TMEM225: variants seen among roughly 807,000 people sequenced by gnomAD.
TMEM225 encodes the protein PMP22 claudin domain-containing protein.
Under a neutral mutation model 17.6 loss-of-function variants are expected in TMEM225, and 10 were observed. The observed-to-expected ratio is 0.57, with a 90% CI of 0.35 to 0.96. The LOEUF is 0.96. TMEM225 is among the 40% of genes least tolerant of loss of function. TMEM225 has a pLI of 0.02. For synonymous variants in TMEM225, 101 were observed against 94.5 expected (o/e 1.07, Z -0.40); for missense variants, 245 against 271.5 (o/e 0.90, Z 0.69).
Position 123,885,457 on chromosome 11 carries a change from C to T in TMEM225, c.-32G>A. 6.3e-7 allele frequency: 1 copy of T among 1,589,062 alleles called. No individual in the cohort carries two copies. On this transcript the variant is annotated 5_prime_UTR_variant, in exon 1 of 4. In the 5' UTR this introduces an upstream ATG that the reference lacks. Transcript: ENST00000375026. Reference sequence around the variant, plus strand: ...TGAAAATTTCTAGCTGGAACCACCACCACTATTTTGTAGATCTCTTCCTTG... The same window carrying T: ...TGAAAATTTCTAGCTGGAACCACCATCACTATTTTGTAGATCTCTTCCTTG...
At chr11:123,884,909 A>G (rs1863019820) in intron 1 of TMEM225, among the ~76,000 whole-genome samples, 1 of 152,134 alleles carries the variant, frequency 6.6e-6, no homozygotes. Flanking sequence ...TCACTCCATC[A>G]TCTAGTGGCA....
At position 123,883,781 on chromosome 11, in the gene TMEM225, C is replaced by T. The variant is rs546953189; in HGVS notation, c.463+294G>A. ...CTGAGCATTCTGTCTCAGACACCCA[C>T]CTTGGTCATGACTTTGGTGGTTATC... On this transcript the variant is annotated intron_variant, in intron 3 of 3. Coordinates refer to ENST00000375026, the MANE Select transcript of TMEM225 (RefSeq NM_001013743.3). Among the ~76,000 whole-genome samples, 3 of 152,186 alleles carry T rather than the reference C, an allele frequency of 2.0e-5. No homozygotes were observed. The East Asian group carries it at 5.8e-4, about 30-fold the overall frequency.
At chr11:123,885,101 TGGAA>T in intron 1 of TMEM225, 140 bp downstream of exon 1, 2 of 758,198 alleles carry the variant, frequency 2.6e-6, no homozygotes, top group Non-Finnish European at 4.2e-6. Flanking sequence ...GTATTGACTA[TGGAA>T]GGAAGGAAGA....
In TMEM225 at chr11:123,885,394, C is replaced by T. The variant is rs906616254; in HGVS notation, c.32G>A (p.Gly11Asp). Residue 11 changes from glycine to aspartate, a missense_variant, in exon 1 of 4, where the codon GGT (glycine) becomes GAT (aspartate). Physicochemically the swap from Gly to Asp is moderately conservative, Grantham distance 94 (BLOSUM62 -1). Coordinates refer to ENST00000375026, the MANE Select transcript of TMEM225 (RefSeq NM_001013743.3). MVHVSNRSIQ[G>D]MNILFSSWAV... ...CCAGGAGGAGAAAAGTATGTTCATA[C>T]CCTGGATACTTCTATTTGAAACATG... is the stretch of plus-strand genomic sequence containing the variant. 6.2e-7 allele frequency: 1 copy of T among 1,613,020 alleles called. No homozygotes were observed.
Position 123,883,124 on chromosome 11 carries a change from A to G in TMEM225, c.*14T>C, listed in dbSNP as rs775321435. The G allele has an allele frequency of 6.2e-7, 1 of 1,610,690 alleles. No homozygotes were observed. Among genetic ancestry groups the G allele is most frequent in the South Asian group, 1.1e-5 (1 of 90,976 alleles). ...ATAAAGATGAGCATATACTGCAAGA[A>G]ATAGATTGCCAAATCACAGAGCCCA... On this transcript the variant is annotated 3_prime_UTR_variant, in exon 4 of 4. Coordinates refer to ENST00000375026, the MANE Select transcript of TMEM225 (RefSeq NM_001013743.3).
At position 123,884,566 on chromosome 11, in the gene TMEM225, C is replaced by T. The variant is rs774566780; in HGVS notation, c.252G>A (p.Leu84=). Residue 84 remains leucine (L), a synonymous_variant, in exon 2 of 4, where the codon CTG becomes CTA. Transcript: ENST00000375026. ...GAATCAGATAGGTGAATTTCATACCCAGGATTAAGTTAAGGAGGAAGGAAA... is the reference window on the plus strand; with the variant it reads ...GAATCAGATAGGTGAATTTCATACCTAGGATTAAGTTAAGGAGGAAGGAAA... The part of the protein sequence containing the change: ...LGLSFLLNLI[L]GMKFTYLIPQ... 6.2e-7 allele frequency: 1 copy of T among 1,613,240 alleles called. No individual in the cohort carries two copies.
intron 1 of TMEM225, among the ~76,000 whole-genome samples, chr11:123,884,884 G>T (rs1294175809): frequency 6.6e-6 from 1 of 152,044 alleles, no homozygotes; most frequent in Admixed American, 6.6e-5. Context: ...CTCTATTCTT[G>T]TTAAATACCG....
Position 123,885,362 on chromosome 11 carries a change from C to T in TMEM225, c.64G>A (p.Val22Ile). The T allele has an allele frequency of 1.2e-6, 2 of 1,613,610 alleles. No individual in the cohort carries two copies. Among genetic ancestry groups the T allele is most frequent in the South Asian group, 2.2e-5 (2 of 91,058 alleles). The change falls in exon 1 of 4, where the codon GTC becomes ATC. Residue 22 changes from valine (V) to isoleucine (I), a missense_variant. Physicochemically the swap from Val to Ile is conservative, Grantham distance 29. Coordinates refer to ENST00000375026, the MANE Select transcript of TMEM225 (RefSeq NM_001013743.3). The part of the protein sequence containing the change: ...MNILFSSWAV[V>I]LMVMGITLDK... ...AAGGTGATTCCCATCACCATTAAGA[C>T]TACGGCCCAGGAGGAGAAAAGTATG...
At chr11:123,884,326 C>T (rs1863009235) in intron 2 of TMEM225, 117 bp from the exon 3 acceptor site, 6 of 1,372,848 alleles carry the variant, frequency 4.4e-6, no homozygotes, top group Non-Finnish European at 5.8e-6. Context: ...CCAACCCCCA[C>T]CCGGTCCAAC....
At chr11:123,884,302 A>G in intron 2 of TMEM225, 93 bp from the exon 3 acceptor site, 1 of 1,454,796 alleles carries the variant, frequency 6.9e-7, no homozygotes, top group South Asian at 1.5e-5. Context: ...TTCATTCCAT[A>G]TACACTTGAC....
chr11:123,883,008 C>A lies in TMEM225; in HGVS notation c.*130G>T, dbSNP rs1862981441. On this transcript the variant is annotated 3_prime_UTR_variant, in exon 4 of 4. Transcript: ENST00000375026. ...AGCAGGCCAGGATTTTTTAAAAAAC[C>A]ATCTTCCAGATCTTTTTACAAACCC... 6 of 681,694 alleles carry A rather than the reference C, an allele frequency of 8.8e-6. No individual in the cohort carries two copies. The highest frequency in any genetic ancestry group is 1.2e-5 in the Non-Finnish European group (5 of 424,918). 42.2% of individuals were successfully genotyped at this position (681,694 alleles called of 1,614,324 possible). A position where few individuals can be genotyped will look rare whatever the true frequency, so the allele number is the denominator to read the frequency against.
chr11:123,885,282 A>G lies in TMEM225; in HGVS notation c.144T>C (p.Ser48=), dbSNP rs1200322350. ...SEDERAKMNH[S]PWMMCCPALW... The stretch of plus-strand genomic sequence containing the variant: ...GAGCAGGGCAACACATCATCCAAGG[A>G]CTGTGGTTCATCTTGGCTCTTTCAT... The change falls in exon 1 of 4, where the codon AGT becomes AGC. Residue 48 remains serine (S), a synonymous_variant. Transcript: ENST00000375026. 2 of 1,613,644 alleles carry G rather than the reference A, an allele frequency of 1.2e-6. No homozygotes were observed. The highest frequency in any genetic ancestry group is 4.5e-5 in the East Asian group (2 of 44,868).
At position 123,884,141 on chromosome 11, in the gene TMEM225, A is replaced by C. The variant is rs538371635; in HGVS notation, c.397T>G (p.Ser133Ala). Residue 133 changes from serine to alanine, a missense_variant, in exon 3 of 4, where the codon TCT becomes GCT. Physicochemically the swap from Ser to Ala is moderately conservative, Grantham distance 99. Coordinates refer to ENST00000375026, the MANE Select transcript of TMEM225 (RefSeq NM_001013743.3). ...KLKQGQSMHF[S>A]SYRITWIMYT... is the part of the protein sequence containing the mutation. Reference sequence around the variant, plus strand: ...ATGATCCAGGTGATCCTATAACTAGAGAAGTGCATGGATTGACCTTGCTTC... The same window carrying C: ...ATGATCCAGGTGATCCTATAACTAGCGAAGTGCATGGATTGACCTTGCTTC... 1 of 1,611,492 alleles carries C rather than the reference A, an allele frequency of 6.2e-7. No homozygotes were observed. The highest frequency in any genetic ancestry group is 8.5e-7 in the Non-Finnish European group (1 of 1,179,140).
At chr11:123,884,398 CATATAT>C in intron 2 of TMEM225, 86 bp downstream of exon 2, 1 of 1,209,374 alleles carries the variant, frequency 8.3e-7, no homozygotes, top group Non-Finnish European at 1.1e-6. Context: ...TCAGAAGCTA[CATATAT>C]ATATATATAG....
At chr11:123,885,157 A>G (rs2137478676) in intron 1 of TMEM225, 88 bp downstream of exon 1, 2 of 1,191,710 alleles carry the variant, frequency 1.7e-6, no homozygotes, top group African/African-American at 1.5e-5. Context: ...TAATGGGTAC[A>G]CTGGTGAGAT....
intron 3 of TMEM225, among the ~76,000 whole-genome samples, chr11:123,883,715 C>T (rs994912698): frequency 6.6e-6 from 1 of 152,124 alleles, no homozygotes; most frequent in Non-Finnish European, 1.5e-5. Context: ...TGCCTTGACA[C>T]TACACTGTAC....
intron 2 of TMEM225, 123 bp downstream of exon 2, chr11:123,884,366 CT>C: frequency 7.6e-7 from 1 of 1,308,618 alleles, no homozygotes; most frequent in Non-Finnish European, 1.0e-6. Flanking sequence ...GATCCTGATC[CT>C]GCTTTTATGG....
intron 3 of TMEM225, 79 bp downstream of exon 3, chr11:123,883,996 T>C: frequency 6.9e-7 from 1 of 1,452,570 alleles, no homozygotes; most frequent in Non-Finnish European, 9.1e-7. Context: ...CTTTTCCCTC[T>C]ATTCTCATCT....
rs61366176 is a variant in TMEM225 at position 123,884,222 on chromosome 11, CAAAAAAAAA to C, written c.329-22_329-14del. ...AGCAGAGAGATACCTGATGTCCAGA[CAAAAAAAAA>C]AAAAAAAAAAGAAAAAGAAAAAAGT... On this transcript the variant is annotated splice_polypyrimidine_tract_variant and intron_variant, in intron 2 of 3. Coordinates refer to ENST00000375026, the MANE Select transcript of TMEM225 (RefSeq NM_001013743.3). The C allele has an allele frequency of 1.6e-4, 201 of 1,236,166 alleles. No homozygotes were observed. The highest frequency in any genetic ancestry group is 7.9e-4 in the South Asian group (39 of 49,338). The allele number at this position is 1,236,166 out of a possible 1,614,324, so 76.6% of individuals were successfully genotyped here. A position where few individuals can be genotyped will look rare whatever the true frequency, so the allele number is the denominator to read the frequency against.
Sources: gnomAD v4.1 joint callset for allele counts (sites outside exome capture counted in the v4.1 genomes callset) on GRCh38, gnomAD v4.1.1 for gene constraint, MANE v1.5 for transcripts, NCBI Gene and HGNC (gene_info 2026-07-23, HGNC 2026-07-21) for gene names.